SLC38A12: variants seen among roughly 807,000 people sequenced by gnomAD.
SLC38A12 encodes the protein solute carrier family 38 member 12, also known as putative sodium-coupled neutral amino acid transporter 12.
At chr17:74,790,068 C>A in the SLC38A12 span, 1 of 677,568 alleles carries the variant, frequency 1.5e-6, no homozygotes, top group Non-Finnish European at 2.6e-6. Flanking sequence ...ATCCTCCCAT[C>A]TCAGCCTCCC....
chr17:74,819,643 C>T, the SLC38A12 span: 1 of 1,096,976 alleles, frequency 9.1e-7, no homozygotes, highest in East Asian at 2.4e-5. Flanking sequence ...CCAAGTCAGG[C>T]CCGGCCTTAG....
the SLC38A12 span, among the ~76,000 whole-genome samples, chr17:74,804,260 C>A: frequency 2.0e-5 from 3 of 152,278 alleles, no homozygotes; most frequent in African/African-American, 7.2e-5. Flanking sequence ...AAATAAAGCA[C>A]TCACTCAAAA....
At chr17:74,835,826 C>A in the SLC38A12 span, 17 of 1,500,710 alleles carry the variant, frequency 1.1e-5, no homozygotes, top group South Asian at 1.3e-5. Flanking sequence ...ATGACTCTTT[C>A]TCACAGGGCT....
chr17:74,835,893 C>A, the SLC38A12 span: 1 of 1,569,108 alleles, frequency 6.4e-7, no homozygotes, highest in Non-Finnish European at 8.6e-7. Flanking sequence ...CCGTGCCTGT[C>A]CCCACCAGGT....
the SLC38A12 span, chr17:74,795,183 C>A: frequency 7.7e-7 from 1 of 1,292,748 alleles, no homozygotes. Context: ...GCAGAGTGTC[C>A]AGGGGAGAAG....
At chr17:74,819,615 C>T in the SLC38A12 span, 4 of 764,850 alleles carry the variant, frequency 5.2e-6, 1 homozygote, top group Non-Finnish European at 8.9e-6. Context: ...CAGGGAGCCT[C>T]TGCCAGTCCA....
the SLC38A12 span, chr17:74,819,688 C>T: frequency 6.6e-7 from 1 of 1,515,290 alleles, no homozygotes. Context: ...GCAGCGTCTT[C>T]CGTGTGCAGA....
At chr17:74,794,347 G>A in the SLC38A12 span, among the ~76,000 whole-genome samples, 440 of 152,318 alleles carry the variant, frequency 2.9e-3, 1 homozygote, top group African/African-American at 9.6e-3. Context: ...CAGCAGAAGT[G>A]TCAGTATCAC....
At chr17:74,822,919 C>T in the SLC38A12 span, among the ~76,000 whole-genome samples, 2 of 152,224 alleles carry the variant, frequency 1.3e-5, no homozygotes, top group African/African-American at 2.4e-5. Flanking sequence ...CTGGCAGCCC[C>T]TTTTGGGGGA....
chr17:74,807,192 A>T, the SLC38A12 span, among the ~76,000 whole-genome samples: 3 of 129,946 alleles, frequency 2.3e-5, no homozygotes, highest in Admixed American at 2.8e-4. Context: ...CTTGCTTTGG[A>T]GTCAGAGGAG....
chr17:74,795,380 T>A, the SLC38A12 span: 2 of 711,502 alleles, frequency 2.8e-6, no homozygotes, highest in African/African-American at 3.6e-5. Context: ...GGAGGGTGCA[T>A]CCTCAGAGAT....
chr17:74,784,102 A>G, the SLC38A12 span, among the ~76,000 whole-genome samples: 1 of 152,072 alleles, frequency 6.6e-6, no homozygotes, highest in Non-Finnish European at 1.5e-5. Flanking sequence ...TGTTTCTATC[A>G]CAAATTCAGC....
chr17:74,830,592 C>T, the SLC38A12 span, among the ~76,000 whole-genome samples: 2 of 152,196 alleles, frequency 1.3e-5, no homozygotes, highest in Admixed American at 1.3e-4. Flanking sequence ...CTTGAGGTTG[C>T]GGTAAAGCCG....
chr17:74,835,853 C>T, the SLC38A12 span: 66 of 1,515,100 alleles, frequency 4.4e-5, no homozygotes, highest in Middle Eastern at 6.7e-4. Context: ...CCCGCAAAGG[C>T]GCCCCCCAGA....
the SLC38A12 span, among the ~76,000 whole-genome samples, chr17:74,809,565 C>T: frequency 5.9e-5 from 9 of 152,180 alleles, no homozygotes; most frequent in Admixed American, 5.9e-4. Context: ...ACTCCTGGAG[C>T]GGGTGCTGCT....
chr17:74,796,386 C>T, the SLC38A12 span, among the ~76,000 whole-genome samples: 1 of 152,226 alleles, frequency 6.6e-6, no homozygotes, highest in African/African-American at 2.4e-5. Context: ...CAGTTTGACA[C>T]GTGGCCACTT....
chr17:74,828,559 C>T, the SLC38A12 span, among the ~76,000 whole-genome samples: 4 of 152,158 alleles, frequency 2.6e-5, no homozygotes, highest in Admixed American at 2.6e-4. Context: ...GCAGGGCCCT[C>T]TATGGCTCCC....
chr17:74,836,718 G>A, the SLC38A12 span: 4 of 1,554,186 alleles, frequency 2.6e-6, no homozygotes, highest in Non-Finnish European at 3.5e-6. This position sits in a 1 kb window ranked among gnomAD's most constrained non-coding sequence, Gnocchi z 4.2. Context: ...GTGACAGGAG[G>A]CATAGGGGCC....
At chr17:74,807,542 A>G in the SLC38A12 span, among the ~76,000 whole-genome samples, 177 of 152,356 alleles carry the variant, frequency 1.2e-3, no homozygotes, top group Non-Finnish European at 2.0e-3. Flanking sequence ...CTCCATGCAC[A>G]GCCAGCCCCT....
Sources: gnomAD v4.1 joint callset for allele counts (sites outside exome capture counted in the v4.1 genomes callset) on GRCh38, gnomAD v4.1.1 for gene constraint, Gnocchi (gnomAD v3.1) non-coding constraint, MANE v1.5 for transcripts, NCBI Gene and HGNC (gene_info 2026-07-23, HGNC 2026-07-21) for gene names.